The following MEST variants were observed in gnomAD, a reference collection of about 807,000 sequenced individuals.
MEST encodes the protein mesoderm specific transcript, also known as mesoderm-specific transcript homolog protein.
A neutral mutation model predicts 50.9 loss-of-function variants in MEST; 18 were observed. The observed-to-expected ratio is 0.35, with a 90% confidence interval of 0.24 to 0.52. MEST has a LOEUF of 0.52. Ranked by LOEUF, MEST falls within the 20% of genes least tolerant of loss-of-function variation. The pLI, the probability that MEST is intolerant of heterozygous loss-of-function variation, is 0.94. For synonymous variants in MEST, 130 were observed against 154.1 expected (o/e 0.84, Z 1.16); for missense variants, 282 against 425.3 (o/e 0.66, Z 2.96).
chr7:130,499,892 C>T lies in MEST; in HGVS notation c.553C>T (p.His185Tyr), dbSNP rs781854018. 12 of 1,612,552 alleles carry T rather than the reference C, an allele frequency of 7.4e-6. No homozygotes were observed. The South Asian group carries it at 1.3e-4, about 18-fold the overall frequency. Reference sequence around the variant, plus strand: ...TTCTACAGGTATCTTTCCTGAGACTCACCGTCCACTCCTTCTCCAAAAGGT... The same window carrying T: ...TTCTACAGGTATCTTTCCTGAGACTTACCGTCCACTCCTTCTCCAAAAGGT... ...LSNGGIFPET[H>Y]RPLLLQKLLK... is the part of the protein sequence containing the mutation. Residue 185 changes from histidine (H) to tyrosine (Y), a missense_variant, in exon 7 of 12, where the codon CAC becomes TAC. His to Tyr is a moderately conservative substitution (Grantham distance 83, BLOSUM62 2). Transcript: ENST00000223215.
rs1563024050 is a variant in MEST, at chr7:130,498,441, C to G, written c.499C>G (p.Arg167Gly). 2.5e-6 allele frequency: 4 copies of G among 1,614,034 alleles called. No homozygotes were observed. The highest frequency in any genetic ancestry group is 3.4e-6 in the Non-Finnish European group (4 of 1,180,010). ...LYRYKQNRSG[R>G]LTIKSLCLSN... ...TAGGTACAAGCAGAATCGATCTGGT[C>G]GGCTTACCATAAAGAGTCTCTGTCT... The change falls in exon 6 of 12, where the codon CGG becomes GGG. Residue 167 changes from arginine to glycine, a missense_variant. Transcript: ENST00000223215.
rs1798848735 is a variant in MEST, at chr7:130,492,222, GC to G, written c.-87del. ...GCGCGGGCTGTGGGCTGCGGGCTGCGCCCCCGCTGCTGGCCAGCTCTGCACG... is the reference window on the plus strand; with the variant it reads ...GCGCGGGCTGTGGGCTGCGGGCTGCGCCCCGCTGCTGGCCAGCTCTGCACG... On this transcript the variant is annotated 5_prime_UTR_variant, in exon 1 of 12. Coordinates refer to ENST00000223215, the MANE Select transcript of MEST (RefSeq NM_002402.4). This position sits in a 1 kb window ranked among gnomAD's most constrained non-coding sequence, Gnocchi z 7.6. The G allele has an allele frequency of 8.9e-7, 1 of 1,118,198 alleles. No individual in the cohort carries two copies. Among genetic ancestry groups the G allele is most frequent in the Non-Finnish European group, 1.1e-6 (1 of 887,556 alleles). The allele number at this position is 1,118,198 out of a possible 1,614,324, so 69.3% of individuals were successfully genotyped here.
chr7:130,498,611 T>C, intron 6 of MEST, 134 bp downstream of exon 6: 1 of 789,386 alleles, frequency 1.3e-6, no homozygotes, highest in South Asian at 1.6e-5. Flanking sequence ...ACCTCTTCTG[T>C]GCCATCAACT....
chr7:130,495,870 T>A, intron 2 of MEST: 1 of 290,800 alleles, frequency 3.4e-6, no homozygotes, highest in East Asian at 1.3e-4. Context: ...CATCCCTGAT[T>A]TCATTTTTTC....
In MEST at chr7:130,505,175, C is replaced by T; in HGVS notation, c.*119C>T. ...ATCAAACATAATTCTCTCACAAAGT[C>T]CACTTTACTCAAATTGGTGAACAGT... On this transcript the variant is annotated 3_prime_UTR_variant, in exon 12 of 12. Coordinates refer to ENST00000223215, the MANE Select transcript of MEST (RefSeq NM_002402.4). 1.3e-6 allele frequency: 1 copy of T among 776,666 alleles called. No individual in the cohort carries two copies. The allele number at this position is 776,666 out of a possible 1,614,324, so 48.1% of individuals were successfully genotyped here.
chr7:130,486,361 ATGGAGTCC>A (rs1180364800), exon 1 of MEST: 1 of 152,292 alleles, frequency 6.6e-6, no homozygotes, highest in Non-Finnish European at 1.5e-5. Flanking sequence ...TCTCCGAAAC[ATGGAGTCC>A]TGTAGGCAAG....
In MEST at chr7:130,492,959, C is replaced by G. The variant is rs568146691; in HGVS notation, c.26+620C>G. Among the ~76,000 whole-genome samples the G allele has an allele frequency of 6.6e-6, 1 of 152,104 alleles. No individual in the cohort carries two copies. The highest frequency in any genetic ancestry group is 2.4e-5 in the African/African-American group (1 of 41,468). ...GATAGGCCCCAGCATCGCCCTGGTG[C>G]GATGTAGGATTTTTAGAACCCCGGT... On this transcript the variant is annotated intron_variant, in intron 1 of 11. Coordinates refer to ENST00000223215, the MANE Select transcript of MEST (RefSeq NM_002402.4). This position sits in a 1 kb window ranked among gnomAD's most constrained non-coding sequence, Gnocchi z 7.6.
At chr7:130,492,050 TG>T, upstream of MEST, 2 of 222,200 alleles carry the variant, frequency 9.0e-6, 1 homozygote, top group Non-Finnish European at 1.7e-5. The surrounding 1 kb of genome is among the most constrained non-coding windows in gnomAD (Gnocchi z 7.6). Flanking sequence ...GGGGCGCGGG[TG>T]GGCTCTAAAA....
rs1164062978 is a variant in MEST, at chr7:130,500,618, T to C, written c.647+86T>C. ...CAATTCTGGGCCAAATCCTAAGGCTTGATATTTTAAAGCAAAGGTGTTGGC... is the reference window on the plus strand; with the variant it reads ...CAATTCTGGGCCAAATCCTAAGGCTCGATATTTTAAAGCAAAGGTGTTGGC... On this transcript the variant is annotated intron_variant, in intron 8 of 11. Transcript: ENST00000223215. The surrounding 1 kb of genome is among the most constrained non-coding windows in gnomAD (Gnocchi z 5.0). The C allele has an allele frequency of 5.0e-6, 7 of 1,412,084 alleles. No individual in the cohort carries two copies. The highest frequency in any genetic ancestry group is 5.9e-6 in the Non-Finnish European group (6 of 1,021,398). 87.5% of individuals were successfully genotyped at this position (1,412,084 alleles called of 1,614,324 possible).
chr7:130,488,469 G>A (rs1471587064), upstream of MEST: 1 of 152,160 alleles, frequency 6.6e-6, no homozygotes. Flanking sequence ...AACCAAACAT[G>A]CCCATCTATT....
intron 1 of MEST, among the ~76,000 whole-genome samples, chr7:130,493,579 A>AG (rs1157671147): frequency 6.6e-6 from 1 of 152,066 alleles, no homozygotes; most frequent in East Asian, 1.9e-4. Context: ...GAGGGTGTGG[A>AG]GGGGGGTGTC....
intron 6 of MEST, among the ~76,000 whole-genome samples, chr7:130,499,415 A>G (rs1799192509): frequency 6.6e-6 from 1 of 152,228 alleles, no homozygotes; most frequent in African/African-American, 2.4e-5. Context: ...AGCCCAAATC[A>G]TTAACCCTCG....
chr7:130,503,332 G>T (rs1554439000), intron 10 of MEST, among the ~76,000 whole-genome samples: 2 of 152,220 alleles, frequency 1.3e-5, no homozygotes, highest in Non-Finnish European at 1.5e-5. Flanking sequence ...GGACTTAGAG[G>T]ATGTTGAAAG....
rs552479727 is a variant in MEST at position 130,505,418 on chromosome 7, A to C, written c.*362A>C. The stretch of plus-strand genomic sequence containing the variant: ...CTTCTCTGAAATATTTAGAAGTGCT[A>C]ATTTCTGGCCCACCCCCAACAGGAA... On this transcript the variant is annotated 3_prime_UTR_variant, in exon 12 of 12. Transcript: ENST00000223215. 13 of 163,134 alleles carry C rather than the reference A, an allele frequency of 8.0e-5. No homozygotes were observed. In the East Asian group the frequency reaches 1.8e-3, roughly 23 times the overall value. 10.1% of individuals were successfully genotyped at this position (163,134 alleles called of 1,614,324 possible). A position where few individuals can be genotyped will look rare whatever the true frequency, so the allele number is the denominator to read the frequency against.
intron 5 of MEST, 60 bp downstream of exon 5, chr7:130,498,335 T>C: frequency 6.2e-7 from 1 of 1,611,448 alleles, no homozygotes; most frequent in Non-Finnish European, 8.5e-7. Context: ...TTCTGGACTG[T>C]TTGTATCCTT....
upstream of MEST, chr7:130,488,128 A>C (rs1584933094): frequency 6.6e-6 from 1 of 152,196 alleles, no homozygotes; most frequent in East Asian, 1.9e-4. Context: ...GCCAAGTTCC[A>C]GTTCATCTTG....
chr7:130,502,912 C>A (rs950312818), intron 10 of MEST, among the ~76,000 whole-genome samples, 192 bp downstream of exon 10: 2 of 152,146 alleles, frequency 1.3e-5, no homozygotes, highest in African/African-American at 4.8e-5. Context: ...TTGGGACCTA[C>A]TTACACCAAA....
chr7:130,497,393 C>T lies in MEST; in HGVS notation c.261+158C>T, dbSNP rs1799103321. Reference sequence around the variant, plus strand: ...CCAACATGGCAAAACCCCATCTCTACTAAAAGTATAAAAATTGGCCAGGCA... The same window carrying T: ...CCAACATGGCAAAACCCCATCTCTATTAAAAGTATAAAAATTGGCCAGGCA... On this transcript the variant is annotated intron_variant, in intron 3 of 11. Coordinates refer to ENST00000223215, the MANE Select transcript of MEST (RefSeq NM_002402.4). The surrounding 1 kb of genome is among the most constrained non-coding windows in gnomAD (Gnocchi z 4.0). 1 of 480,512 alleles carries T rather than the reference C, an allele frequency of 2.1e-6. No individual in the cohort carries two copies. The highest frequency in any genetic ancestry group is 3.6e-6 in the Non-Finnish European group (1 of 274,700). 29.8% of individuals were successfully genotyped at this position (480,512 alleles called of 1,614,324 possible).
upstream of MEST, chr7:130,491,480 C>T (rs1229749803): frequency 2.6e-5 from 4 of 152,310 alleles, no homozygotes; most frequent in African/African-American, 9.6e-5. The surrounding 1 kb of genome is among the most constrained non-coding windows in gnomAD (Gnocchi z 6.8). Context: ...TGTTTACTAG[C>T]TTGGTGGTGG....
Sources: gnomAD v4.1 joint callset for allele counts (sites outside exome capture counted in the v4.1 genomes callset) on GRCh38, gnomAD v4.1.1 for gene constraint, Gnocchi (gnomAD v3.1) non-coding constraint, MANE v1.5 for transcripts, NCBI Gene and HGNC (gene_info 2026-07-23, HGNC 2026-07-21) for gene names.